The following STRN variants were observed in gnomAD, a reference collection of about 807,000 sequenced individuals.
STRN encodes striatin.
STRN carries 53 observed loss-of-function variants against 96.3 expected under a neutral mutation model. The ratio of observed to expected loss-of-function variants is 0.55; its 90% CI spans 0.44 to 0.69. The LOEUF is 0.69. STRN is among the 30% of genes least tolerant of loss of function. The pLI is 0.00. For missense variants in STRN, 987 were observed against 963.9 expected (o/e 1.02, Z -0.32); for synonymous variants, 428 against 355.9 (o/e 1.20, Z -2.28).
chr2:36,932,631 C>A (rs1297264310), intron 1 of STRN, among the ~76,000 whole-genome samples: 2 of 152,116 alleles, frequency 1.3e-5, no homozygotes, highest in African/African-American at 4.8e-5. Context: ...AGATGAGGGT[C>A]TCTCTTTGCT....
intron 13 of STRN, among the ~76,000 whole-genome samples, chr2:36,859,965 T>C (rs1668435533): frequency 6.6e-6 from 1 of 152,120 alleles, no homozygotes. Flanking sequence ...TAGTAACTGG[T>C]AATTGTGTTT....
rs1191626186 is a variant in STRN at position 36,843,500 on chromosome 2, C to T, written c.*5956G>A. ...AAAAACATAAAACCTATTCATTAAACATATGTGTCTCTGAAAGTACCACTG... is the reference window on the plus strand; with the variant it reads ...AAAAACATAAAACCTATTCATTAAATATATGTGTCTCTGAAAGTACCACTG... On this transcript the variant is annotated 3_prime_UTR_variant, in exon 18 of 18. Transcript: ENST00000263918. The T allele has an allele frequency of 2.0e-5, 3 of 152,088 alleles. No individual in the cohort carries two copies. Among genetic ancestry groups the T allele is most frequent in the Admixed American group, 2.0e-4 (3 of 15,250 alleles). The allele number at this position is 152,088 out of a possible 1,614,324, so 9.4% of individuals were successfully genotyped here.
At chr2:36,960,267 T>C (rs932420214) in intron 1 of STRN, among the ~76,000 whole-genome samples, 1 of 152,242 alleles carries the variant, frequency 6.6e-6, no homozygotes, top group East Asian at 1.9e-4. Context: ...AGGTAACAGA[T>C]ACCTACTGGG....
intron 10 of STRN, among the ~76,000 whole-genome samples, chr2:36,870,357 A>G (rs551411001): frequency 3.9e-5 from 6 of 152,096 alleles, no homozygotes; most frequent in Non-Finnish European, 8.8e-5. Flanking sequence ...CTAAAGAGGT[A>G]GATTATATTT....
At chr2:36,930,238 C>T (rs1206297027) in intron 1 of STRN, among the ~76,000 whole-genome samples, 3 of 151,940 alleles carry the variant, frequency 2.0e-5, no homozygotes, top group Non-Finnish European at 4.4e-5. Context: ...TCGAGACCAG[C>T]CTGACCAGTA....
chr2:36,883,993 A>G lies in STRN; in HGVS notation c.1125T>C (p.Gly375=), dbSNP rs758633915. 2 of 1,446,308 alleles carry G rather than the reference A, an allele frequency of 1.4e-6. No individual in the cohort carries two copies. Among genetic ancestry groups the G allele is most frequent in the South Asian group, 3.5e-5 (2 of 57,182 alleles). 89.6% of individuals were successfully genotyped at this position (1,446,308 alleles called of 1,614,324 possible). The change falls in exon 9 of 18, where the codon GGT becomes GGC. Residue 375 remains glycine, a synonymous_variant. Transcript: ENST00000263918. ...TGGAGCTGCTGGGTCTGGAAGGTGA[A>G]CCCACAGATGGCTGCAATGAAGGAA... ...DELPSLQPSV[G]SPSRPSSSRL... is the part of the protein sequence containing the mutation.
rs778968267 is a variant in STRN, at chr2:36,886,777, T to C, written c.981A>G (p.Gly327=). The C allele has an allele frequency of 6.2e-7, 1 of 1,613,660 alleles. No individual in the cohort carries two copies. Among genetic ancestry groups the C allele is most frequent in the Admixed American group, 1.7e-5 (1 of 59,966 alleles). ...ATTGTTCCTTGAGTTTGGTAATTACTCCCTGGTCCACATTCCAGGCTTCAG... is the reference window on the plus strand; with the variant it reads ...ATTGTTCCTTGAGTTTGGTAATTACCCCCTGGTCCACATTCCAGGCTTCAG... ...LMPEAWNVDQ[G]VITKLKEQYK... is the part of the protein sequence containing the mutation. Residue 327 remains glycine, a synonymous_variant, in exon 8 of 18, where the codon GGA becomes GGG. Transcript: ENST00000263918.
intron 7 of STRN, among the ~76,000 whole-genome samples, chr2:36,889,558 A>G (rs1338845936): frequency 8.1e-6 from 1 of 123,782 alleles, no homozygotes; most frequent in East Asian, 2.6e-4. Context: ...TGTATGGTAA[A>G]ATCTTTTTGC....
At chr2:36,862,085 G>T (rs555740934) in intron 12 of STRN, among the ~76,000 whole-genome samples, 30 of 152,264 alleles carry the variant, frequency 2.0e-4, no homozygotes, top group African/African-American at 7.2e-4. Context: ...TGATTTTCCT[G>T]CAAAGGACAG....
At chr2:36,901,359 T>G (rs1165161465) in intron 5 of STRN, among the ~76,000 whole-genome samples, 1 of 152,182 alleles carries the variant, frequency 6.6e-6, no homozygotes, top group Non-Finnish European at 1.5e-5. Context: ...GAGACCATCC[T>G]GGCCAACATG....
chr2:36,855,485 G>C, intron 14 of STRN, 133 bp from the exon 15 acceptor site: 1 of 834,804 alleles, frequency 1.2e-6, no homozygotes. Flanking sequence ...ATAAGAATTA[G>C]CTCATAACTA....
intron 1 of STRN, among the ~76,000 whole-genome samples, chr2:36,958,190 T>C (rs532510943): frequency 6.6e-6 from 1 of 151,938 alleles, no homozygotes; most frequent in East Asian, 1.9e-4. Context: ...AAAGTGCTGG[T>C]ATTACAAGCA....
At position 36,876,652 on chromosome 2, in the gene STRN, G is replaced by C. The variant is rs17020023; in HGVS notation, c.1323+1239C>G. Among the ~76,000 whole-genome samples, 1,131 of 152,264 alleles carry C rather than the reference G, an allele frequency of 7.4e-3. 14 individuals carry two copies. The highest frequency in any genetic ancestry group is 0.026 in the African/African-American group (1,082 of 41,536). On this transcript the variant is annotated intron_variant, in intron 10 of 17. Coordinates refer to ENST00000263918, the MANE Select transcript of STRN (RefSeq NM_003162.4). ...CAGAGATCATAAACTATCAAAGTGA[G>C]AGGAATTTAATGAAATAAGGCAGGT...
At chr2:36,936,656 T>G (rs573991977) in intron 1 of STRN, among the ~76,000 whole-genome samples, 89 of 152,168 alleles carry the variant, frequency 5.8e-4, no homozygotes, top group Non-Finnish European at 1.0e-3. Context: ...AAACTATATT[T>G]GAGAAAGATG....
intron 1 of STRN, among the ~76,000 whole-genome samples, chr2:36,961,497 C>A (rs1048502123): frequency 6.6e-6 from 1 of 152,132 alleles, no homozygotes; most frequent in African/African-American, 2.4e-5. Context: ...TTTAGCACAT[C>A]TTGTTGGCTC....
At chr2:36,965,993 C>G (rs986710508) in intron 1 of STRN, among the ~76,000 whole-genome samples, 4 of 151,726 alleles carry the variant, frequency 2.6e-5, no homozygotes, top group South Asian at 2.1e-4. Context: ...ATGGGGCGGA[C>G]GAACAGGCGT....
At chr2:36,893,030 T>G (rs1669441029) in intron 7 of STRN, among the ~76,000 whole-genome samples, 1 of 150,850 alleles carries the variant, frequency 6.6e-6, no homozygotes, top group Non-Finnish European at 1.5e-5. Flanking sequence ...AAAAAGCCAC[T>G]GCACTCCAGC....
At chr2:36,947,679 T>G (rs559425241) in intron 1 of STRN, among the ~76,000 whole-genome samples, 5 of 150,270 alleles carry the variant, frequency 3.3e-5, no homozygotes, top group Non-Finnish European at 5.9e-5. Context: ...CAAGTGGGAG[T>G]TGGGAAATTC....
intron 14 of STRN, among the ~76,000 whole-genome samples, chr2:36,857,077 C>A (rs545308179): frequency 6.7e-6 from 1 of 149,906 alleles, no homozygotes; most frequent in Non-Finnish European, 1.5e-5. Flanking sequence ...CGAGAATGGG[C>A]AAATATAGTC....
Sources: gnomAD v4.1 joint callset for allele counts (sites outside exome capture counted in the v4.1 genomes callset) on GRCh38, gnomAD v4.1.1 for gene constraint, MANE v1.5 for transcripts, NCBI Gene and HGNC (gene_info 2026-07-23, HGNC 2026-07-21) for gene names.